CCSER2: variants seen among roughly 807,000 people sequenced by gnomAD.
The protein encoded by CCSER2 is serine-rich coiled-coil domain-containing protein 2.
CCSER2 carries 46 observed loss-of-function variants against 92.3 expected under a neutral mutation model. The ratio of observed to expected loss-of-function variants is 0.50; its 90% CI spans 0.39 to 0.64. The LOEUF is 0.64. CCSER2 is among the 30% of genes least tolerant of loss of function. CCSER2 has a pLI of 0.00. For missense variants in CCSER2, 1,244 were observed against 1,238.9 expected (o/e 1.00, Z -0.06); for synonymous variants, 433 against 431.4 (o/e 1.00, Z -0.04).
rs562733441 is a variant in CCSER2 at position 84,352,148 on chromosome 10, A to T, written c.-39-18866A>T. On this transcript the variant is annotated intron_variant, in intron 1 of 9. Coordinates refer to ENST00000372088, the MANE Select transcript of CCSER2 (RefSeq NM_001284240.2). ...ACCCTGTCTCTACTAAAAATATAAA[A>T]AAAAAATTAGCTGGGTGTGGTGGCA... Among the ~76,000 whole-genome samples the T allele has an allele frequency of 2.6e-5, 4 of 152,130 alleles. No individual in the cohort carries two copies. The South Asian group carries it at 8.3e-4, about 32-fold the overall frequency.
chr10:84,357,073 G>A (rs966845391), intron 1 of CCSER2, among the ~76,000 whole-genome samples: 1 of 152,194 alleles, frequency 6.6e-6, no homozygotes, highest in Non-Finnish European at 1.5e-5. Flanking sequence ...AAAGAACTTG[G>A]CCTCCAGTGG....
intron 6 of CCSER2, among the ~76,000 whole-genome samples, chr10:84,451,243 TG>T (rs1362433983): frequency 6.6e-6 from 1 of 151,018 alleles, no homozygotes; most frequent in Non-Finnish European, 1.5e-5. Context: ...GTTTTTTTTT[TG>T]GTTGGTTGGG....
intron 1 of CCSER2, among the ~76,000 whole-genome samples, chr10:84,358,648 G>GTATATATATATACATATACATATATGTA (rs1564595349): frequency 2.7e-5 from 4 of 146,310 alleles, no homozygotes; most frequent in African/African-American, 1.0e-4. Flanking sequence ...GTATATATGT[G>GTATATATATATACATATACATATATGTA]TATATATATA....
At chr10:84,332,436 A>ATATATATATATATATTTTTT (rs1401635246) in intron 1 of CCSER2, among the ~76,000 whole-genome samples, 2 of 55,214 alleles carry the variant, frequency 3.6e-5, no homozygotes, top group African/African-American at 2.3e-4. Context: ...ATATATATAT[A>ATATATATATATATATTTTTT]TTTTTTTTTT....
chr10:84,457,363 ATTT>A (rs1554854393), intron 6 of CCSER2, among the ~76,000 whole-genome samples: 1 of 70,590 alleles, frequency 1.4e-5, no homozygotes, highest in Non-Finnish European at 2.7e-5. Context: ...ATATATATTT[ATTT>A]TAAATATATA....
intron 1 of CCSER2, among the ~76,000 whole-genome samples, chr10:84,346,653 A>G (rs565815763): frequency 5.6e-4 from 85 of 152,102 alleles, no homozygotes; most frequent in African/African-American, 1.8e-3. Context: ...TCTATCATCC[A>G]GCCATCTGTT....
At position 84,513,621 on chromosome 10, in the gene CCSER2, A is replaced by G. The variant is rs767163560; in HGVS notation, c.2498A>G (p.Asn833Ser). The change falls in exon 10 of 10, where the codon AAC becomes AGC. Residue 833 changes from asparagine (N) to serine (S), a missense_variant. Coordinates refer to ENST00000372088, the MANE Select transcript of CCSER2 (RefSeq NM_001284240.2). ...SFTHVLHQES[N>S]YGLEEQPFSS... ...ACACACGTCTTGCACCAAGAAAGCA[A>G]CTATGGTTTGGAAGAGCAGCCTTTT... 31 of 1,608,484 alleles carry G rather than the reference A, an allele frequency of 1.9e-5. No individual in the cohort carries two copies. In the South Asian group the frequency reaches 3.3e-4, roughly 17 times the overall value.
At chr10:84,501,862 C>CATATATATATATATACTT (rs561729632) in intron 9 of CCSER2, among the ~76,000 whole-genome samples, 1 of 69,506 alleles carries the variant, frequency 1.4e-5, no homozygotes, top group Non-Finnish European at 3.7e-5. Context: ...TATATATACT[C>CATATATATATATATACTT]ATATATATAT....
At chr10:84,352,139 A>G (rs926296123) in intron 1 of CCSER2, among the ~76,000 whole-genome samples, 4 of 152,042 alleles carry the variant, frequency 2.6e-5, no homozygotes, top group Non-Finnish European at 5.9e-5. Flanking sequence ...TCTCTACTAA[A>G]AATATAAAAA....
At chr10:84,460,353 T>G (rs1016296854) in intron 6 of CCSER2, among the ~76,000 whole-genome samples, 5 of 150,612 alleles carry the variant, frequency 3.3e-5, no homozygotes, top group African/African-American at 1.2e-4. Context: ...ATCCCCCCCG[T>G]CTTGGCCTCC....
chr10:84,440,510 A>G (rs1215604602), intron 6 of CCSER2, among the ~76,000 whole-genome samples: 1 of 152,202 alleles, frequency 6.6e-6, no homozygotes, highest in Non-Finnish European at 1.5e-5. Context: ...TGAAAAAAAC[A>G]GTATGTCTGG....
At chr10:84,485,112 C>CA (rs1487042903) in intron 9 of CCSER2, among the ~76,000 whole-genome samples, 1 of 151,998 alleles carries the variant, frequency 6.6e-6, no homozygotes, top group Non-Finnish European at 1.5e-5. Flanking sequence ...TAAGAAGTTG[C>CA]AAAAAATGTG....
intron 9 of CCSER2, among the ~76,000 whole-genome samples, chr10:84,494,327 A>G (rs1848330433): frequency 6.6e-6 from 1 of 152,156 alleles, no homozygotes; most frequent in African/African-American, 2.4e-5. Context: ...AGTAAGGATG[A>G]CCAGAGGTCA....
intron 9 of CCSER2, among the ~76,000 whole-genome samples, chr10:84,494,424 T>G (rs1268850118): frequency 1.3e-5 from 2 of 152,190 alleles, no homozygotes; most frequent in Non-Finnish European, 2.9e-5. Flanking sequence ...TGAACTGTTA[T>G]CTTAATGCCA....
chr10:84,448,174 C>T (rs1245313008), intron 6 of CCSER2, among the ~76,000 whole-genome samples: 2 of 152,164 alleles, frequency 1.3e-5, no homozygotes, highest in African/African-American at 4.8e-5. Context: ...CCTCCTTACC[C>T]ATTTTGGATC....
intron 6 of CCSER2, among the ~76,000 whole-genome samples, chr10:84,450,773 C>T (rs1256768733): frequency 6.6e-6 from 1 of 152,054 alleles, no homozygotes; most frequent in East Asian, 1.9e-4. Flanking sequence ...AAGTAGTAAT[C>T]AAGATAGCTA....
chr10:84,486,517 G>T lies in CCSER2; in HGVS notation c.2325+8853G>T, dbSNP rs538566940. On this transcript the variant is annotated intron_variant, in intron 9 of 9. Transcript: ENST00000372088. ...CAGTGATGATGAGCTTTTTTCATGT[G>T]TCTGTTGGCTGCATAAATGTCTTCT... Among the ~76,000 whole-genome samples, 385 of 152,298 alleles carry T rather than the reference G, an allele frequency of 2.5e-3. 2 individuals carry two copies. The highest frequency in any genetic ancestry group is 8.5e-3 in the African/African-American group (353 of 41,554).
intron 3 of CCSER2, among the ~76,000 whole-genome samples, chr10:84,374,500 A>G (rs766015226): frequency 6.6e-6 from 1 of 152,114 alleles, no homozygotes; most frequent in Non-Finnish European, 1.5e-5. Context: ...TCTCACACAT[A>G]TAATTACTTG....
At chr10:84,389,632 G>A in intron 3 of CCSER2, 1 of 187,600 alleles carries the variant, frequency 5.3e-6, no homozygotes, top group Non-Finnish European at 1.1e-5. Context: ...GCATGGTGGA[G>A]GCAGCTGGTG....
Sources: allele counts gnomAD v4.1 joint callset (sites outside exome capture counted in the v4.1 genomes callset), GRCh38; gene constraint gnomAD v4.1.1; transcripts MANE v1.5; gene names NCBI Gene and HGNC (gene_info 2026-07-23, HGNC 2026-07-21).